Variants in ADAD2 observed in about 807,000 individuals in gnomAD.
ADAD2 encodes adenosine deaminase domain-containing protein 2.
A neutral mutation model predicts 54.5 loss-of-function variants in ADAD2; 60 were observed. That is an observed-to-expected ratio of 1.10 (90% CI 0.89 to 1.36). ADAD2 has a LOEUF of 1.36. Among genes scored for constraint, ADAD2 ranks in the 40% most tolerant of loss-of-function variants. ADAD2 has a pLI of 0.00. For missense variants in ADAD2, 1,103 were observed against 801.3 expected, an observed-to-expected ratio of 1.38 and a Z score of -4.54; for synonymous variants, 543 against 366.2, an observed-to-expected ratio of 1.48 and a Z score of -5.51.
chr16:84,191,539 G>C lies in ADAD2; in HGVS notation c.309G>C (p.Gly103=). 6.5e-7 allele frequency: 1 copy of C among 1,547,560 alleles called. No individual in the cohort carries two copies. Among genetic ancestry groups the C allele is most frequent in the South Asian group, 1.2e-5 (1 of 84,046 alleles). The change falls in exon 1 of 10, where the codon GGG becomes GGC. Residue 103 remains glycine (G), a synonymous_variant. Coordinates refer to ENST00000315906, the MANE Select transcript of ADAD2 (RefSeq NM_001145400.2). ...CGAGGGTCCCTGTGCCCCCAGCAGG[G>C]CTCAGCCTGCCGCTCAAAGACCCAC... ...KAPRVPVPPA[G]LSLPLKDPPA...
At chr16:84,192,243 C>T (rs996812451) in intron 1 of ADAD2, among the ~76,000 whole-genome samples, 1 of 152,184 alleles carries the variant, frequency 6.6e-6, no homozygotes. Flanking sequence ...CTCCTGGGCT[C>T]AAGTGATACT....
At chr16:84,191,812 CCTGCTG>C in intron 1 of ADAD2, 164 bp downstream of exon 1, 1 of 1,017,712 alleles carries the variant, frequency 9.8e-7, no homozygotes, top group Non-Finnish European at 1.5e-6. Flanking sequence ...TGGGGTGGAC[CCTGCTG>C]TGAGCAGCGA....
chr16:84,191,747 G>A, intron 1 of ADAD2, 99 bp downstream of exon 1: 1 of 1,509,260 alleles, frequency 6.6e-7, no homozygotes, highest in Non-Finnish European at 8.9e-7. Flanking sequence ...GGTGGACCTT[G>A]GTCCCTATGC....
At chr16:84,196,541 C>T in intron 8 of ADAD2, 106 bp from the exon 9 acceptor site, 2 of 1,554,924 alleles carry the variant, frequency 1.3e-6, no homozygotes, top group Admixed American at 3.5e-5. Context: ...CCCTGTGAGT[C>T]CTGTGACATT....
chr16:84,194,968 C>T lies in ADAD2; in HGVS notation c.595C>T (p.Pro199Ser), dbSNP rs759364020. The change falls in exon 3 of 10, where the codon CCC becomes TCC. Residue 199 changes from proline to serine, a missense_variant. Transcript: ENST00000315906. ...PQTSSRPPLA[P>S]LSVENILTHE... is the part of the protein sequence containing the mutation. ...GACCTCCAGCCGGCCTCCACTGGCC[C>T]CCCTGAGCGTAGGTAGGTGAGCATT... 19 of 1,611,946 alleles carry T rather than the reference C, an allele frequency of 1.2e-5. No individual in the cohort carries two copies. The highest frequency in any genetic ancestry group is 1.5e-5 in the Non-Finnish European group (18 of 1,179,396).
At position 84,195,857 on chromosome 16, in the gene ADAD2, C is replaced by A. The variant is rs372889766; in HGVS notation, c.1095C>A (p.Pro365=). The change falls in exon 7 of 10, where the codon CCC becomes CCA. Residue 365 remains proline, a synonymous_variant. Coordinates refer to ENST00000315906, the MANE Select transcript of ADAD2 (RefSeq NM_001145400.2). ...TSEGGLPHSP[P]MRLQAHVLGQ... ...AAGGTGGCCTCCCGCACAGCCCACC[C>A]ATGCGCCTGCAGGCCCATGTGCTCG... The A allele has an allele frequency of 8.1e-6, 13 of 1,606,566 alleles. No individual in the cohort carries two copies. Among genetic ancestry groups the A allele is most frequent in the Admixed American group, 1.7e-5 (1 of 59,876 alleles).
chr16:84,193,108 G>GT (rs150698611), intron 1 of ADAD2: 9,733 of 152,318 alleles, frequency 0.064, 482 homozygotes, highest in East Asian at 0.19. Flanking sequence ...GATTACAGGA[G>GT]TGAGCCACTG....
rs1392732551 is a variant in ADAD2 at position 84,196,138 on chromosome 16, C to T, written c.1294C>T (p.His432Tyr). 1 of 1,603,042 alleles carries T rather than the reference C, an allele frequency of 6.2e-7. No individual in the cohort carries two copies. Among genetic ancestry groups the T allele is most frequent in the Admixed American group, 1.7e-5 (1 of 59,984 alleles). ...STSLILADSCHDPPTLSRAIH... is the reference protein window; with the variant it reads ...STSLILADSCYDPPTLSRAIH... The stretch of plus-strand genomic sequence containing the variant: ...CTTCTGCCCTGCAGCTGACTCATGC[C>T]ACGACCCTCCGACTCTGAGCAGGGC... The change falls in exon 8 of 10, where the codon CAC (histidine) becomes TAC (tyrosine). Residue 432 changes from histidine to tyrosine, a missense_variant. Transcript: ENST00000315906.
rs752145627 is a variant in ADAD2, at chr16:84,191,210, C to T, written c.-21C>T. On this transcript the variant is annotated 5_prime_UTR_variant, in exon 1 of 10. Transcript: ENST00000315906. ...AGCAGCGCGAGATAGGGCCTAGCGC[C>T]TCAGATCTTCGTTGGCGGCCATGGC... is the stretch of plus-strand genomic sequence containing the variant. 3.7e-6 allele frequency: 6 copies of T among 1,604,862 alleles called. No homozygotes were observed. The highest frequency in any genetic ancestry group is 5.1e-6 in the Non-Finnish European group (6 of 1,175,258).
intron 5 of ADAD2, 35 bp downstream of exon 5, chr16:84,195,481 C>T (rs1374539149): frequency 6.2e-7 from 1 of 1,605,618 alleles, no homozygotes. Flanking sequence ...TGATAGCAGC[C>T]TTCGCCAGGA....
Position 84,191,288 on chromosome 16 carries a change from G to A in ADAD2, c.58G>A (p.Ala20Thr). ...DDGSRRKPRLAASLQISPQPR... is the reference protein window; with the variant it reads ...DDGSRRKPRLTASLQISPQPR... ...CGGCAGTCGTAGGAAGCCCCGCCTGGCTGCATCGTTGCAGATCAGCCCCCA... is the reference window on the plus strand; with the variant it reads ...CGGCAGTCGTAGGAAGCCCCGCCTGACTGCATCGTTGCAGATCAGCCCCCA... Residue 20 changes from alanine to threonine, a missense_variant, in exon 1 of 10, where the codon GCT becomes ACT. Physicochemically the swap from Ala to Thr is moderately conservative, Grantham distance 58. Coordinates refer to ENST00000315906, the MANE Select transcript of ADAD2 (RefSeq NM_001145400.2). The A allele has an allele frequency of 6.2e-7, 1 of 1,603,978 alleles. No homozygotes were observed. Among genetic ancestry groups the A allele is most frequent in the Non-Finnish European group, 8.5e-7 (1 of 1,175,456 alleles).
intron 2 of ADAD2, 92 bp downstream of exon 2, chr16:84,194,674 T>C (rs1313664720): frequency 1.3e-6 from 2 of 1,534,764 alleles, no homozygotes; most frequent in Non-Finnish European, 1.8e-6. Context: ...TGGCTGTGCG[T>C]GTGAGCAGGA....
chr16:84,194,620 G>C (rs1597597973), intron 2 of ADAD2, 38 bp downstream of exon 2: 1 of 1,580,292 alleles, frequency 6.3e-7, no homozygotes, highest in Non-Finnish European at 8.6e-7. Flanking sequence ...GCCGCAGCTG[G>C]GGACAAGAGG....
rs146849414 is a variant in ADAD2 at position 84,196,755 on chromosome 16, C to G, written c.1635C>G (p.Tyr545Ter). 6.2e-7 allele frequency: 1 copy of G among 1,611,760 alleles called. No homozygotes were observed. The highest frequency in any genetic ancestry group is 8.5e-7 in the Non-Finnish European group (1 of 1,179,026). ...GKPYLLALKTYEAAKAGPYQE... is the reference protein window; with the variant it reads ...GKPYLLALKT Reference sequence around the variant, plus strand: ...CCTACCTCCTGGCCTTGAAGACCTACGAGGCTGCCAAGGTTGGTTCCCCAC... The same window carrying G: ...CCTACCTCCTGGCCTTGAAGACCTAGGAGGCTGCCAAGGTTGGTTCCCCAC... The change falls in exon 9 of 10, where the codon TAC (tyrosine) becomes TAG (stop). Residue 545 changes from tyrosine (Y) to a stop codon, truncating the protein, a stop_gained. Coordinates refer to ENST00000315906, the MANE Select transcript of ADAD2 (RefSeq NM_001145400.2). LOFTEE classifies it high-confidence loss of function.
At chr16:84,192,871 G>GT (rs2089673382) in intron 1 of ADAD2, 1 of 141,956 alleles carries the variant, frequency 7.0e-6, no homozygotes, top group Non-Finnish European at 1.5e-5. Context: ...TTGAGACAGA[G>GT]TCTCGCTCTG....
chr16:84,191,575 G>C lies in ADAD2; in HGVS notation c.345G>C (p.Gln115His), dbSNP rs1246672387. 1.3e-6 allele frequency: 2 copies of C among 1,549,556 alleles called. No individual in the cohort carries two copies. Residue 115 changes from glutamine (Q) to histidine (H), a missense_variant, in exon 1 of 10, where the codon CAG (glutamine) becomes CAC (histidine). By Grantham distance (24) the Gln-to-His change is conservative. Coordinates refer to ENST00000315906, the MANE Select transcript of ADAD2 (RefSeq NM_001145400.2). The part of the protein sequence containing the change: ...SLPLKDPPAS[Q>H]AVSLLTEYAA... ...CGCTCAAAGACCCACCTGCCAGCCA[G>C]GCCGTGTCCTTGCTCACGGAGTACG...
intron 2 of ADAD2, 123 bp downstream of exon 2, chr16:84,194,705 A>T: frequency 6.8e-7 from 1 of 1,476,600 alleles, no homozygotes; most frequent in Non-Finnish European, 9.2e-7. Flanking sequence ...TGTACAAACC[A>T]TCTGAGCATC....
chr16:84,194,167 C>A, intron 1 of ADAD2: 1 of 1,603,152 alleles, frequency 6.2e-7, no homozygotes, highest in East Asian at 2.2e-5. Context: ...AAACCGCCTG[C>A]CGTTTCTGCT....
In ADAD2 at chr16:84,195,580, A is replaced by G. The variant is rs748221639; in HGVS notation, c.935A>G (p.Lys312Arg). ...GCCACACAGGGGGGCCCCAAGGGCA[A>G]GGAGCAGTCCGTGCTGGCCCCCCAG... is the stretch of plus-strand genomic sequence containing the variant. ...LLATQGGPKGKEQSVLAPQPG... is the reference protein window; with the variant it reads ...LLATQGGPKGREQSVLAPQPG... The change falls in exon 6 of 10, where the codon AAG becomes AGG. Residue 312 changes from lysine to arginine, a missense_variant. Coordinates refer to ENST00000315906, the MANE Select transcript of ADAD2 (RefSeq NM_001145400.2). 1.2e-6 allele frequency: 2 copies of G among 1,603,880 alleles called. No individual in the cohort carries two copies. Among genetic ancestry groups the G allele is most frequent in the Admixed American group, 1.7e-5 (1 of 58,728 alleles).
Sources: gnomAD v4.1 joint callset for allele counts (sites outside exome capture counted in the v4.1 genomes callset) on GRCh38, gnomAD v4.1.1 for gene constraint, MANE v1.5 for transcripts, NCBI Gene and HGNC (gene_info 2026-07-23, HGNC 2026-07-21) for gene names.